GHRL: variants seen among roughly 807,000 people sequenced by gnomAD.
GHRL encodes the protein ghrelin and obestatin prepropeptide.
In GHRL, 24 loss-of-function variants were observed where a neutral mutation model predicts 16.9. The ratio of observed to expected loss-of-function variants is 1.42; its 90% CI spans 1.03 to 2.00. The LOEUF is 2.00. GHRL is among the 30% of genes most tolerant of loss of function. The pLI is 0.00. For synonymous variants in GHRL, 63 were observed against 58.2 expected (o/e 1.08, Z -0.37); for missense variants, 193 against 142.1 (o/e 1.36, Z -1.82).
chr3:10,290,088 T>A lies in GHRL; in HGVS notation c.93A>T (p.Glu31Asp). 1 of 1,612,614 alleles carries A rather than the reference T, an allele frequency of 6.2e-7. No individual in the cohort carries two copies. The highest frequency in any genetic ancestry group is 8.5e-7 in the Non-Finnish European group (1 of 1,179,640). ...AMAGSSFLSP[E>D]HQRVQQRKES... ...GAGGTCTCACCTGGACTCTCTGGTG[T>A]TCAGGGCTCAGGAAGCTGGAGCCTG... The change falls in exon 3 of 6, where the codon GAA (glutamate) becomes GAT (aspartate). Residue 31 changes from glutamate to aspartate, a missense_variant. By Grantham distance (45) the Glu-to-Asp change is conservative. Transcript: ENST00000335542.
chr3:10,289,798 A>G lies in GHRL; in HGVS notation c.189T>C (p.Gly63=). Residue 63 remains glycine, a synonymous_variant, in exon 4 of 6, where the codon GGT becomes GGC. Coordinates refer to ENST00000335542, the MANE Select transcript of GHRL (RefSeq NM_016362.5). The part of the protein sequence containing the change: ...LAGWLRPEDG[G]QAEGAEDELE... ...GTTCATCCTCTGCCCCTTCTGCTTGACCTCCATCTTCCGGGCGGAGCCAGC... is the reference window on the plus strand; with the variant it reads ...GTTCATCCTCTGCCCCTTCTGCTTGGCCTCCATCTTCCGGGCGGAGCCAGC... The G allele has an allele frequency of 6.2e-7, 1 of 1,610,130 alleles. No homozygotes were observed. The highest frequency in any genetic ancestry group is 8.5e-7 in the Non-Finnish European group (1 of 1,178,610).
rs1422378285 is a variant in GHRL at position 10,290,801 on chromosome 3, T to C, written c.-115A>G. ...CGTTTGTTCTAAACCAGCAACCCCA[T>C]CCCAGAGGTGGCCTAGCTTCCGTGG... On this transcript the variant is annotated 5_prime_UTR_variant, in exon 2 of 6. The change abolishes an upstream ATG in the 5' untranslated region. Coordinates refer to ENST00000335542, the MANE Select transcript of GHRL (RefSeq NM_016362.5). The C allele has an allele frequency of 8.1e-6, 8 of 987,904 alleles. No individual in the cohort carries two copies. The highest frequency in any genetic ancestry group is 1.7e-5 in the African/African-American group (1 of 57,284). The allele number at this position is 987,904 out of a possible 1,614,324, so 61.2% of individuals were successfully genotyped here.
intron 1 of GHRL, 90 bp from the exon 2 acceptor site, chr3:10,291,541 G>T: frequency 1.2e-6 from 1 of 844,634 alleles, no homozygotes; most frequent in Non-Finnish European, 1.4e-6. Flanking sequence ...CCCTTACCCA[G>T]AGTCTTTGAG....
In GHRL at chr3:10,286,835, C is replaced by T. The variant is rs748735323; in HGVS notation, c.226-23G>A. On this transcript the variant is annotated intron_variant, in intron 4 of 5. Transcript: ENST00000335542. ...GAACTAGGAGGCAGGGCAGGGAGGA[C>T]CCAGGAGATGTCAGAGGTCATGCCC... The T allele has an allele frequency of 4.3e-6, 6 of 1,405,778 alleles. No individual in the cohort carries two copies. The South Asian group carries it at 6.9e-5, about 16-fold the overall frequency. 87.1% of individuals were successfully genotyped at this position (1,405,778 alleles called of 1,614,324 possible). A position where few individuals can be genotyped will look rare whatever the true frequency, so the allele number is the denominator to read the frequency against.
chr3:10,291,373 G>C lies in GHRL; in HGVS notation c.-687C>G. 2 of 985,522 alleles carry C rather than the reference G, an allele frequency of 2.0e-6. No individual in the cohort carries two copies. Among genetic ancestry groups the C allele is most frequent in the Non-Finnish European group, 2.4e-6 (2 of 829,990 alleles). The allele number at this position is 985,522 out of a possible 1,614,324, so 61.0% of individuals were successfully genotyped here. ...GCCTGGCCTGGCGTTTTTTCACATA[G>C]CAGCTTGCCTTGCCTCCCTCCAGCA... is the stretch of plus-strand genomic sequence containing the variant. On this transcript the variant is annotated 5_prime_UTR_variant, in exon 2 of 6. Coordinates refer to ENST00000335542, the MANE Select transcript of GHRL (RefSeq NM_016362.5).
At position 10,286,814 on chromosome 3, in the gene GHRL, T is replaced by G; in HGVS notation, c.226-2A>C. 1 of 1,587,048 alleles carries G rather than the reference T, an allele frequency of 6.3e-7. No homozygotes were observed. The highest frequency in any genetic ancestry group is 2.2e-5 in the East Asian group (1 of 44,754). On this transcript the variant is annotated splice_acceptor_variant, in intron 4 of 5. Transcript: ENST00000335542. LOFTEE classifies it high-confidence loss of function. Reference sequence around the variant, plus strand: ...TCCAACATCAAAGGGGGCGTTGAACTAGGAGGCAGGGCAGGGAGGACCCAG... The same window carrying G: ...TCCAACATCAAAGGGGGCGTTGAACGAGGAGGCAGGGCAGGGAGGACCCAG...
intron 5 of GHRL, 79 bp downstream of exon 5, chr3:10,286,625 G>A: frequency 1.3e-6 from 1 of 747,798 alleles, no homozygotes; most frequent in Non-Finnish European, 2.4e-6. Flanking sequence ...AGAGGTTGGG[G>A]AAAACTCATC....
At chr3:10,289,496 G>A (rs1699612996) in intron 4 of GHRL, among the ~76,000 whole-genome samples, 1 of 152,214 alleles carries the variant, frequency 6.6e-6, no homozygotes, top group Admixed American at 6.5e-5. Flanking sequence ...TGAGTCGCCT[G>A]GAGGCTCTGG....
At chr3:10,290,235 G>GC (rs1367217249) in intron 2 of GHRL, 26 bp from the exon 3 acceptor site, 7 of 1,570,106 alleles carry the variant, frequency 4.5e-6, no homozygotes, top group Non-Finnish European at 6.0e-6. Context: ...TCTCCAGGCA[G>GC]CTGCCTCCCC....
At chr3:10,286,988 C>T (rs1188878793) in intron 4 of GHRL, 176 bp from the exon 5 acceptor site, 3 of 553,870 alleles carry the variant, frequency 5.4e-6, no homozygotes, top group Non-Finnish European at 9.8e-6. Context: ...TTCTCAGGAC[C>T]ACAGCTCACC....
chr3:10,292,931 G>T lies in GHRL; in HGVS notation c.-855C>A. On this transcript the variant is annotated 5_prime_UTR_variant, in exon 1 of 6. Transcript: ENST00000335542. ...GTAAACATCCACTGTGCAAAGCTGT[G>T]TTATCTTTGGGGAACTGAAATGTCC... The T allele has an allele frequency of 6.6e-7, 1 of 1,516,462 alleles. No individual in the cohort carries two copies. Among genetic ancestry groups the T allele is most frequent in the South Asian group, 1.2e-5 (1 of 80,474 alleles). The allele number at this position is 1,516,462 out of a possible 1,614,324, so 93.9% of individuals were successfully genotyped here.
Position 10,289,885 on chromosome 3 carries a change from GGGGGAAAC to G in GHRL, c.109-15_109-8del, listed in dbSNP as rs1258369687. 1 of 1,602,306 alleles carries G rather than the reference GGGGGAAAC, an allele frequency of 6.2e-7. No individual in the cohort carries two copies. Among genetic ancestry groups the G allele is most frequent in the East Asian group, 2.2e-5 (1 of 44,808 alleles). On this transcript the variant is annotated splice_polypyrimidine_tract_variant and splice_region_variant and intron_variant, in intron 3 of 5. Transcript: ENST00000335542. The stretch of plus-strand genomic sequence containing the variant: ...TCTTCGACTCCTTTCTCTGCTGGAA[GGGGGAAAC>G]AGTCTGTTTAGGACTCTAAGCCCCC...
Position 10,292,903 on chromosome 3 carries a change from C to T in GHRL, c.-827G>A. On this transcript the variant is annotated 5_prime_UTR_variant, in exon 1 of 6. Transcript: ENST00000335542. ...TGTTGATCTTAGATAAGACCACCAG[C>T]AAGTAAACATCCACTGTGCAAAGCT... 6.5e-7 allele frequency: 1 copy of T among 1,547,874 alleles called. No homozygotes were observed. The highest frequency in any genetic ancestry group is 8.7e-7 in the Non-Finnish European group (1 of 1,144,608).
In GHRL at chr3:10,285,857, A is replaced by T; in HGVS notation, c.*18T>A. The T allele has an allele frequency of 6.2e-7, 1 of 1,611,216 alleles. No individual in the cohort carries two copies. The highest frequency in any genetic ancestry group is 8.5e-7 in the Non-Finnish European group (1 of 1,177,364). ...GCGCTTCTAAACTTAGAGAGAGGTG[A>T]GTAAGGCTTGTGGGCGATCACTTGT... On this transcript the variant is annotated 3_prime_UTR_variant, in exon 6 of 6. Transcript: ENST00000335542.
chr3:10,292,812 TA>T, intron 1 of GHRL, 29 bp downstream of exon 1: 1 of 1,319,210 alleles, frequency 7.6e-7, no homozygotes, highest in Non-Finnish European at 1.1e-6. Flanking sequence ...GGTGACCAGG[TA>T]CCTCCTGAGA....
intron 1 of GHRL, chr3:10,292,424 T>G (rs937222568): frequency 1.6e-5 from 3 of 182,638 alleles, no homozygotes; most frequent in African/African-American, 7.2e-5. Flanking sequence ...CCACCTACCC[T>G]GACTTAAAAG....
rs1576049089 is a variant in GHRL at position 10,287,913 on chromosome 3, A to ATTTTTT, written c.226-1102_226-1101insAAAAAA. On this transcript the variant is annotated intron_variant, in intron 4 of 5. Coordinates refer to ENST00000335542, the MANE Select transcript of GHRL (RefSeq NM_016362.5). ...GACCCAGTGGGGAATGACATGATTG[A>ATTTTTT]ATTTTTTTTTTTTTTTTTTTTTTTT... The ATTTTTT allele has an allele frequency of 8.0e-5, 7 of 87,962 alleles. 2 individuals carry two copies. Among genetic ancestry groups the ATTTTTT allele is most frequent in the East Asian group, 6.0e-4 (2 of 3,352 alleles). 5.4% of individuals were successfully genotyped at this position (87,962 alleles called of 1,614,324 possible).
At position 10,291,040 on chromosome 3, in the gene GHRL, T is replaced by C. The variant is rs1001959162; in HGVS notation, c.-354A>G. On this transcript the variant is annotated 5_prime_UTR_variant, in exon 2 of 6. Transcript: ENST00000335542. ...GTGGCTCTGGGGTCTGGGTGCAGCTTTGTTGCTGTGTGACCTTAGCTTACT... is the reference window on the plus strand; with the variant it reads ...GTGGCTCTGGGGTCTGGGTGCAGCTCTGTTGCTGTGTGACCTTAGCTTACT... 4 of 985,408 alleles carry C rather than the reference T, an allele frequency of 4.1e-6. No homozygotes were observed. Among genetic ancestry groups the C allele is most frequent in the African/African-American group, 1.7e-5 (1 of 57,172 alleles). The allele number at this position is 985,408 out of a possible 1,614,324, so 61.0% of individuals were successfully genotyped here.
Position 10,290,757 on chromosome 3 carries a change from C to T in GHRL, c.-71G>A, listed in dbSNP as rs190998393. On this transcript the variant is annotated 5_prime_UTR_variant, in exon 2 of 6. Transcript: ENST00000335542. Reference sequence around the variant, plus strand: ...AGGTGGTGCCTGGTGGCTGTCAGGTCCTTATATAGGATGACTGGCGTTTGT... The same window carrying T: ...AGGTGGTGCCTGGTGGCTGTCAGGTTCTTATATAGGATGACTGGCGTTTGT... The T allele has an allele frequency of 4.2e-5, 42 of 995,208 alleles. No homozygotes were observed. The East Asian group carries it at 4.3e-3, about 101-fold the overall frequency. The allele number at this position is 995,208 out of a possible 1,614,324, so 61.6% of individuals were successfully genotyped here.
Sources: gnomAD v4.1 joint callset for allele counts (sites outside exome capture counted in the v4.1 genomes callset) on GRCh38, gnomAD v4.1.1 for gene constraint, MANE v1.5 for transcripts, NCBI Gene and HGNC (gene_info 2026-07-23, HGNC 2026-07-21) for gene names.